The following LRRTM3 variants were observed in gnomAD, a reference collection of about 807,000 sequenced individuals.
LRRTM3 encodes leucine rich repeat transmembrane neuronal 3.
LRRTM3 carries 24 observed loss-of-function variants against 44.7 expected under a neutral mutation model. That is an observed-to-expected ratio of 0.54 (90% CI 0.39 to 0.76). LRRTM3 has a LOEUF of 0.76. Ranked by LOEUF, LRRTM3 falls within the 30% of genes least tolerant of loss-of-function variation. LRRTM3 has a pLI of 0.00. For synonymous variants in LRRTM3, 277 were observed against 278.7 expected (o/e 0.99, Z 0.06); for missense variants, 587 against 702.2 (o/e 0.84, Z 1.85).
intron 2 of LRRTM3, among the ~76,000 whole-genome samples, chr10:66,948,978 AT>A (rs1564788191): frequency 6.6e-6 from 1 of 152,090 alleles, no homozygotes; most frequent in African/African-American, 2.4e-5. Context: ...TAATTGTGTT[AT>A]TTTTTTCTTT....
chr10:66,993,834 T>G (rs1452674549), intron 2 of LRRTM3, among the ~76,000 whole-genome samples: 1 of 152,198 alleles, frequency 6.6e-6, no homozygotes, highest in Non-Finnish European at 1.5e-5. Context: ...GGTCTTCTTT[T>G]ATGTCCTTCG....
chr10:66,956,528 G>A (rs1309392284), intron 2 of LRRTM3, among the ~76,000 whole-genome samples: 1 of 152,106 alleles, frequency 6.6e-6, no homozygotes, highest in Non-Finnish European at 1.5e-5. Flanking sequence ...CCTTAGCAAG[G>A]AGGAGGCAAG....
intron 2 of LRRTM3, among the ~76,000 whole-genome samples, chr10:67,057,772 A>G (rs1224733632): frequency 6.6e-6 from 1 of 151,988 alleles, no homozygotes; most frequent in Non-Finnish European, 1.5e-5. Context: ...CACTCTCACT[A>G]TTCTCTCAGC....
intron 2 of LRRTM3, among the ~76,000 whole-genome samples, chr10:66,988,307 T>G (rs1467004008): frequency 6.6e-6 from 1 of 152,220 alleles, no homozygotes; most frequent in Non-Finnish European, 1.5e-5. Context: ...TTTGTTTGAA[T>G]TTAGCTCATT....
intron 2 of LRRTM3, among the ~76,000 whole-genome samples, chr10:67,026,716 A>G (rs1853412035): frequency 6.6e-6 from 1 of 152,210 alleles, no homozygotes; most frequent in Admixed American, 6.5e-5. Flanking sequence ...GAAAAAGTAT[A>G]TTAACGTTCA....
intron 2 of LRRTM3, among the ~76,000 whole-genome samples, chr10:67,041,641 T>C (rs1302251001): frequency 6.6e-6 from 1 of 152,136 alleles, no homozygotes; most frequent in African/African-American, 2.4e-5. Context: ...GGCTACCTCA[T>C]ACCTCTAAAG....
At chr10:67,085,959 C>T (rs1317728050) in intron 2 of LRRTM3, among the ~76,000 whole-genome samples, 2 of 151,934 alleles carry the variant, frequency 1.3e-5, no homozygotes, top group Admixed American at 6.6e-5. Flanking sequence ...AAGATCTTTC[C>T]CTCCACTCTC....
At chr10:67,096,972 A>G (rs1205208554) in intron 2 of LRRTM3, among the ~76,000 whole-genome samples, 1 of 151,954 alleles carries the variant, frequency 6.6e-6, no homozygotes, top group Non-Finnish European at 1.5e-5. Flanking sequence ...GGGTAAGAAT[A>G]GCCAGAATGG....
intron 2 of LRRTM3, among the ~76,000 whole-genome samples, chr10:67,056,219 T>C (rs1016912499): frequency 3.3e-5 from 5 of 152,182 alleles, no homozygotes; most frequent in African/African-American, 1.2e-4. Context: ...ATGGTTGGTA[T>C]ACAAGTTCTA....
At chr10:67,084,014 AG>A (rs1857180688) in intron 2 of LRRTM3, among the ~76,000 whole-genome samples, 1 of 152,150 alleles carries the variant, frequency 6.6e-6, no homozygotes, top group African/African-American at 2.4e-5. Context: ...AGTTCAAGGA[AG>A]AGGTTCGTTG....
At position 66,965,549 on chromosome 10, in the gene LRRTM3, GA is replaced by G. The variant is rs386371673; in HGVS notation, c.1536+37109del. Among the ~76,000 whole-genome samples the G allele has an allele frequency of 1.8e-3, 215 of 120,226 alleles. 3 individuals carry two copies. Among genetic ancestry groups the G allele is most frequent in the Middle Eastern group, 4.3e-3 (1 of 232 alleles). The allele number at this position is 120,226 out of a possible 152,430, so 78.9% of individuals were successfully genotyped here. A position where few individuals can be genotyped will look rare whatever the true frequency, so the allele number is the denominator to read the frequency against. On this transcript the variant is annotated intron_variant, in intron 2 of 2. Transcript: ENST00000361320. ...ACTCCGTCTCAAAAAAGAAAGAAAA[GA>G]AAAAAAAAAAAGCTGTTTTTTTTTT...
intron 2 of LRRTM3, among the ~76,000 whole-genome samples, chr10:67,026,718 T>C (rs758070314): frequency 6.6e-6 from 1 of 152,158 alleles, no homozygotes; most frequent in Non-Finnish European, 1.5e-5. Context: ...AAAAGTATAT[T>C]AACGTTCATT....
In LRRTM3 at chr10:67,029,045, C is replaced by T. The variant is rs1271741962; in HGVS notation, c.1537-68542C>T. ...TTCCATTAATAACATCAGACTAGCC[C>T]AGGAGTATATGTGGATGTAAGAGCA... On this transcript the variant is annotated intron_variant, in intron 2 of 2. Coordinates refer to ENST00000361320, the MANE Select transcript of LRRTM3 (RefSeq NM_178011.5). Among the ~76,000 whole-genome samples, 6 of 152,094 alleles carry T rather than the reference C, an allele frequency of 3.9e-5. No homozygotes were observed. In the East Asian group the frequency reaches 9.7e-4, roughly 24 times the overall value.
intron 2 of LRRTM3, among the ~76,000 whole-genome samples, chr10:66,960,738 A>C (rs1209906980): frequency 6.6e-6 from 1 of 152,224 alleles, no homozygotes; most frequent in Non-Finnish European, 1.5e-5. Context: ...AATACAGAAC[A>C]GAACAGAATG....
chr10:67,005,487 T>C (rs1319000292), intron 2 of LRRTM3, among the ~76,000 whole-genome samples: 1 of 151,988 alleles, frequency 6.6e-6, no homozygotes, highest in Non-Finnish European at 1.5e-5. Context: ...GGCCATAGGT[T>C]TTATATGGGA....
chr10:67,085,568 A>G (rs1379391555), intron 2 of LRRTM3, among the ~76,000 whole-genome samples: 1 of 151,968 alleles, frequency 6.6e-6, no homozygotes, highest in South Asian at 2.1e-4. Context: ...AACAAGAAGT[A>G]TTTTATTGCA....
At chr10:67,040,238 G>A (rs996224737) in intron 2 of LRRTM3, among the ~76,000 whole-genome samples, 8 of 151,996 alleles carry the variant, frequency 5.3e-5, no homozygotes, top group Non-Finnish European at 7.4e-5. Flanking sequence ...ACATTTGCTC[G>A]GTCTACATGT....
intron 2 of LRRTM3, among the ~76,000 whole-genome samples, chr10:67,047,503 A>G (rs1208857859): frequency 6.6e-6 from 1 of 152,168 alleles, no homozygotes; most frequent in Non-Finnish European, 1.5e-5. Context: ...CCAGCCTGTC[A>G]CAAGGAGAAA....
chr10:67,057,672 T>C (rs1253864750), intron 2 of LRRTM3, among the ~76,000 whole-genome samples: 3 of 152,088 alleles, frequency 2.0e-5, no homozygotes, highest in African/African-American at 4.8e-5. Flanking sequence ...CTCAGGAAAG[T>C]TGTAAGTTTG....
Sources: allele counts gnomAD v4.1 joint callset (sites outside exome capture counted in the v4.1 genomes callset), GRCh38; gene constraint gnomAD v4.1.1; transcripts MANE v1.5; gene names NCBI Gene and HGNC (gene_info 2026-07-23, HGNC 2026-07-21).